NLGN2: variants seen among roughly 807,000 people sequenced by gnomAD.
The protein encoded by NLGN2 is neuroligin 2.
Under a neutral mutation model 48.6 loss-of-function variants are expected in NLGN2, and 11 were observed. That is an observed-to-expected ratio of 0.23 (90% CI 0.14 to 0.37). The LOEUF is 0.37. Ranked by LOEUF, NLGN2 falls within the 10% of genes least tolerant of loss-of-function variation. The pLI is 1.00. For synonymous variants in NLGN2, 548 were observed against 550.0 expected, an observed-to-expected ratio of 1.00 and a Z score of 0.05; for missense variants, 801 against 1,225.2, an observed-to-expected ratio of 0.65 and a Z score of 5.17.
chr17:7,412,260 T>A, intron 2 of NLGN2, 53 bp downstream of exon 2: 1 of 1,389,844 alleles, frequency 7.2e-7, no homozygotes, highest in Non-Finnish European at 1.0e-6. Flanking sequence ...AGGACATTCA[T>A]GGCCCTGCCC....
rs1381518721 is a variant in NLGN2 at position 7,408,573 on chromosome 17, C to T, written c.318C>T (p.Cys106=). 3 of 1,558,616 alleles carry T rather than the reference C, an allele frequency of 1.9e-6. No homozygotes were observed. Among genetic ancestry groups the T allele is most frequent in the East Asian group, 2.4e-5 (1 of 41,386 alleles). Residue 106 remains cysteine, a synonymous_variant, in exon 1 of 7, where the codon TGC becomes TGT. Transcript: ENST00000302926. The surrounding 1 kb of genome is among the most constrained non-coding windows in gnomAD (Gnocchi z 7.5). ...ACGCCACCACCCTGCCGCCCGCCTG[C>T]CCGCAGAACCTGCACGGGGCGCTGC... is the stretch of plus-strand genomic sequence containing the variant. ...VRNATTLPPA[C]PQNLHGALPA...
chr17:7,415,554 C>T lies in NLGN2; in HGVS notation c.1081C>T (p.Pro361Ser), dbSNP rs1219195942. The T allele has an allele frequency of 1.2e-6, 2 of 1,614,240 alleles. No individual in the cohort carries two copies. The highest frequency in any genetic ancestry group is 1.7e-6 in the Non-Finnish European group (2 of 1,180,036). ...FGPVVDGDVV[P>S]DDPEILMQQG... ...GCCCGTGGTGGATGGCGACGTGGTC[C>T]CCGATGACCCTGAGATCCTCATGCA... The change falls in exon 6 of 7, where the codon CCC (proline) becomes TCC (serine). Residue 361 changes from proline to serine, a missense_variant. Coordinates refer to ENST00000302926, the MANE Select transcript of NLGN2 (RefSeq NM_020795.4).
chr17:7,416,001 G>A lies in NLGN2; in HGVS notation c.1528G>A (p.Val510Met), dbSNP rs142399350. ...HGDELPYVFG[V>M]PMVGATDLFP... ...GGATGAACTGCCCTATGTCTTTGGC[G>A]TGCCCATGGTGGGTGCCACCGACCT... The change falls in exon 6 of 7, where the codon GTG becomes ATG. Residue 510 changes from valine to methionine, a missense_variant. Around this residue, in one of 5 missense-constraint regions of NLGN2, gnomAD observed 303 missense variants for 600.1 expected, o/e 0.50. Coordinates refer to ENST00000302926, the MANE Select transcript of NLGN2 (RefSeq NM_020795.4). 1.8e-5 allele frequency: 29 copies of A among 1,614,028 alleles called. No homozygotes were observed. In the East Asian group the frequency reaches 2.5e-4, roughly 14 times the overall value.
At chr17:7,412,577 C>A (rs1361354013) in intron 2 of NLGN2, among the ~76,000 whole-genome samples, 1 of 151,982 alleles carries the variant, frequency 6.6e-6, no homozygotes, top group African/African-American at 2.4e-5. Flanking sequence ...TTTGAAAAAA[C>A]CAATTTGAAA....
chr17:7,417,198 G>T lies in NLGN2; in HGVS notation c.1907G>T (p.Gly636Val), dbSNP rs1280660956. The change falls in exon 7 of 7, where the codon GGC becomes GTC. Residue 636 changes from glycine to valine, a missense_variant. Gly to Val is a moderately radical substitution (Grantham distance 109, BLOSUM62 -3). This residue lies in a region of NLGN2 where 276 missense variants were observed against 313.9 expected (regional missense o/e 0.88). Transcript: ENST00000302926. ...CGCTGGCCGCCTCGTCCCCCCGCTG[G>T]CGCCCCGGGCACACGCCGGCCCCCG... ...ATRWPPRPPA[G>V]APGTRRPPPP... is the part of the protein sequence containing the mutation. The T allele has an allele frequency of 6.4e-7, 1 of 1,561,004 alleles. No homozygotes were observed. The highest frequency in any genetic ancestry group is 1.2e-5 in the South Asian group (1 of 86,508).
Position 7,415,894 on chromosome 17 carries a change from A to G in NLGN2, c.1421A>G (p.Tyr474Cys). The part of the protein sequence containing the change: ...AVATAKLHAD[Y>C]QSPVYFYTFY... ...GCCACTGCCAAGCTGCACGCCGACTACCAGTCTCCCGTCTACTTTTACACC... is the reference window on the plus strand; with the variant it reads ...GCCACTGCCAAGCTGCACGCCGACTGCCAGTCTCCCGTCTACTTTTACACC... The change falls in exon 6 of 7, where the codon TAC becomes TGC. Residue 474 changes from tyrosine (Y) to cysteine (C), a missense_variant. Coordinates refer to ENST00000302926, the MANE Select transcript of NLGN2 (RefSeq NM_020795.4). The G allele has an allele frequency of 6.2e-7, 1 of 1,611,160 alleles. No individual in the cohort carries two copies. Among genetic ancestry groups the G allele is most frequent in the Non-Finnish European group, 8.5e-7 (1 of 1,177,726 alleles).
Position 7,417,527 on chromosome 17 carries a change from C to T in NLGN2, c.2236C>T (p.Gln746Ter). 6.7e-7 allele frequency: 1 copy of T among 1,488,382 alleles called. No homozygotes were observed. 92.2% of individuals were successfully genotyped at this position (1,488,382 alleles called of 1,614,324 possible). The change falls in exon 7 of 7, where the codon CAG becomes TAG. Residue 746 changes from glutamine to a stop codon, truncating the protein, a stop_gained. Coordinates refer to ENST00000302926, the MANE Select transcript of NLGN2 (RefSeq NM_020795.4). LOFTEE classifies it high-confidence loss of function. ...ACCAGAGGAGGAGCTGGTGTCACTG[C>T]AGCTGAAGCGGGGTGGTGGCGTCGG... ...LPPEEELVSL[Q>*]LKRGGGVGAD...
intron 1 of NLGN2, among the ~76,000 whole-genome samples, chr17:7,409,392 C>G (rs1042131265): frequency 4.6e-5 from 7 of 152,096 alleles, no homozygotes; most frequent in African/African-American, 1.7e-4. Context: ...TTAATGAACT[C>G]TTGTTCACTA....
At chr17:7,412,994 C>A (rs1046533385) in intron 2 of NLGN2, among the ~76,000 whole-genome samples, 2 of 152,024 alleles carry the variant, frequency 1.3e-5, no homozygotes, top group Admixed American at 6.5e-5. Context: ...CCTTTCTGAC[C>A]CCTCCTCCCC....
upstream of NLGN2, among the ~76,000 whole-genome samples, chr17:7,407,161 C>T (rs555730490): frequency 6.6e-6 from 1 of 152,172 alleles, no homozygotes; most frequent in Non-Finnish European, 1.5e-5. Context: ...ACCACCAAAC[C>T]AAGCCAGCCC....
chr17:7,416,188 A>G (rs1907095075), intron 6 of NLGN2, 81 bp downstream of exon 6: 2 of 1,159,144 alleles, frequency 1.7e-6, no homozygotes, highest in Admixed American at 1.8e-5. Flanking sequence ...TAAGGCACTC[A>G]CTCTGGCCTG....
rs1395889851 is a variant in NLGN2, at chr17:7,408,453, C to T, written c.198C>T (p.Val66=). The T allele has an allele frequency of 3.2e-6, 5 of 1,564,556 alleles. No homozygotes were observed. The highest frequency in any genetic ancestry group is 2.3e-5 in the South Asian group (2 of 85,944). The change falls in exon 1 of 7, where the codon GTC becomes GTT. Residue 66 remains valine (V), a synonymous_variant. Coordinates refer to ENST00000302926, the MANE Select transcript of NLGN2 (RefSeq NM_020795.4). This position sits in a 1 kb window ranked among gnomAD's most constrained non-coding sequence, Gnocchi z 7.5. Reference sequence around the variant, plus strand: ...TCAACAACGAGATCCTGGGCCCCGTCGTGCAGTTCTTGGGCGTGCCCTACG... The same window carrying T: ...TCAACAACGAGATCCTGGGCCCCGTTGTGCAGTTCTTGGGCGTGCCCTACG... ...RELNNEILGP[V]VQFLGVPYAT... is the part of the protein sequence containing the mutation.
chr17:7,412,779 G>GA (rs972607993), intron 2 of NLGN2, among the ~76,000 whole-genome samples: 14 of 147,438 alleles, frequency 9.5e-5, no homozygotes, highest in South Asian at 4.3e-4. Context: ...ACAAAATTTT[G>GA]AAAAAAAAAT....
rs1162644166 is a variant in NLGN2, at chr17:7,408,528, C to T, written c.273C>T (p.Ala91=). The change falls in exon 1 of 7, where the codon GCC becomes GCT. Residue 91 remains alanine (A), a synonymous_variant. Coordinates refer to ENST00000302926, the MANE Select transcript of NLGN2 (RefSeq NM_020795.4). The surrounding 1 kb of genome is among the most constrained non-coding windows in gnomAD (Gnocchi z 7.5). The stretch of plus-strand genomic sequence containing the variant: ...GCTTCCAGCCGCCTGAGGCGCCCGC[C>T]TCGTGGCCCGGCGTGCGCAACGCCA... The part of the protein sequence containing the change: ...ARRFQPPEAP[A]SWPGVRNATT... 1 of 1,537,412 alleles carries T rather than the reference C, an allele frequency of 6.5e-7. No individual in the cohort carries two copies. The highest frequency in any genetic ancestry group is 8.7e-7 in the Non-Finnish European group (1 of 1,145,536).
intron 5 of NLGN2, 134 bp downstream of exon 5, chr17:7,415,282 C>A: frequency 1.1e-6 from 1 of 911,398 alleles, no homozygotes; most frequent in Non-Finnish European, 1.6e-6. Context: ...CTCTTGCAAG[C>A]CTTCCTTCAG....
upstream of NLGN2, among the ~76,000 whole-genome samples, chr17:7,406,589 G>T (rs1270867966): frequency 1.3e-5 from 2 of 150,974 alleles, no homozygotes; most frequent in Non-Finnish European, 3.0e-5. Flanking sequence ...AGAGCCACCC[G>T]CGGGCTGGCG....
chr17:7,404,883 G>T (rs1906552443), upstream of NLGN2: 1 of 152,004 alleles, frequency 6.6e-6, no homozygotes, highest in South Asian at 2.1e-4. Flanking sequence ...TGACGCGCGG[G>T]GCTGCTGCGG....
rs765555488 is a variant in NLGN2 at position 7,415,727 on chromosome 17, T to C, written c.1254T>C (p.Tyr418=). 4.3e-6 allele frequency: 7 copies of C among 1,614,130 alleles called. No individual in the cohort carries two copies. In the East Asian group the frequency reaches 1.1e-4, roughly 26 times the overall value. ...FTVSNFVDNL[Y]GYPEGKDVLR... The stretch of plus-strand genomic sequence containing the variant: ...TCTCCAACTTTGTGGACAACCTGTA[T>C]GGCTACCCGGAAGGCAAGGATGTGC... Residue 418 remains tyrosine, a synonymous_variant, in exon 6 of 7, where the codon TAT becomes TAC. Transcript: ENST00000302926.
chr17:7,415,556 C>G lies in NLGN2; in HGVS notation c.1083C>G (p.Pro361=). ...CCGTGGTGGATGGCGACGTGGTCCC[C>G]GATGACCCTGAGATCCTCATGCAGC... The part of the protein sequence containing the change: ...FGPVVDGDVV[P]DDPEILMQQG... The change falls in exon 6 of 7, where the codon CCC becomes CCG. Residue 361 remains proline, a synonymous_variant. Transcript: ENST00000302926. 1 of 1,614,234 alleles carries G rather than the reference C, an allele frequency of 6.2e-7. No homozygotes were observed. The highest frequency in any genetic ancestry group is 8.5e-7 in the Non-Finnish European group (1 of 1,180,036).
Sources: allele counts gnomAD v4.1 joint callset (sites outside exome capture counted in the v4.1 genomes callset), GRCh38; gene constraint gnomAD v4.1.1; regional missense constraint gnomAD v4.1.1; non-coding constraint Gnocchi (gnomAD v3.1); transcripts MANE v1.5; gene names NCBI Gene and HGNC (gene_info 2026-07-23, HGNC 2026-07-21).